Variants in EPHA3 observed in about 807,000 individuals in gnomAD.
EPHA3 encodes EPH receptor A3.
A neutral mutation model predicts 107.1 loss-of-function variants in EPHA3; 42 were observed. That is an observed-to-expected ratio of 0.39 (90% CI 0.31 to 0.51). The LOEUF (loss-of-function observed/expected upper bound fraction) is 0.51, where lower values mean the gene tolerates loss of function less well. EPHA3 is among the 20% of genes least tolerant of loss of function. EPHA3 has a pLI of 0.78. For missense variants in EPHA3, 1,183 were observed against 1,211.2 expected, an observed-to-expected ratio of 0.98 and a Z score of 0.35; for synonymous variants, 461 against 424.8, an observed-to-expected ratio of 1.09 and a Z score of -1.05.
intron 5 of EPHA3, among the ~76,000 whole-genome samples, chr3:89,346,462 GTTGT>G (rs1398157086): frequency 7.5e-5 from 11 of 147,594 alleles, no homozygotes; most frequent in African/African-American, 2.0e-4. Flanking sequence ...TTTTGATGGG[GTTGT>G]TTGTTTTTTT....
At chr3:89,431,502 T>C in intron 13 of EPHA3, 143 bp downstream of exon 13, 1 of 615,748 alleles carries the variant, frequency 1.6e-6, no homozygotes, top group Admixed American at 3.4e-5. Context: ...AATTAAAATA[T>C]TATTATTTAT....
chr3:89,120,186 T>C (rs1707345545), intron 1 of EPHA3, among the ~76,000 whole-genome samples: 1 of 152,220 alleles, frequency 6.6e-6, no homozygotes, highest in Admixed American at 6.5e-5. Flanking sequence ...TTTCACTTTT[T>C]AATCTTTCAA....
chr3:89,263,539 T>A (rs1250959099), intron 3 of EPHA3, among the ~76,000 whole-genome samples: 1 of 152,098 alleles, frequency 6.6e-6, no homozygotes, highest in Non-Finnish European at 1.5e-5. Context: ...GAAAAGGAGA[T>A]GGGGCAGGTA....
chr3:89,221,183 C>T (rs559082052), intron 3 of EPHA3, among the ~76,000 whole-genome samples: 1 of 152,280 alleles, frequency 6.6e-6, no homozygotes, highest in South Asian at 2.1e-4. Context: ...GTCCCTGAAG[C>T]GCAGAGTATG....
At chr3:89,163,734 T>G (rs1704998894) in intron 2 of EPHA3, among the ~76,000 whole-genome samples, 1 of 152,100 alleles carries the variant, frequency 6.6e-6, no homozygotes, top group African/African-American at 2.4e-5. Flanking sequence ...TGTAGCTGGG[T>G]GGCAGGTATA....
rs952927007 is a variant in EPHA3, at chr3:89,369,438, G to T, written c.1307-26399G>T. 5.2e-4 allele frequency among the ~76,000 whole-genome samples: 79 copies of T among 150,714 alleles called. 1 individual carries two copies. The highest frequency in any genetic ancestry group is 1.5e-3 in the African/African-American group (62 of 41,078). ...TTAATAAATGGTGCTGGGAAAACTG[G>T]CTAGCCATATGTAGAAAGCTGAAAC... On this transcript the variant is annotated intron_variant, in intron 5 of 16. Coordinates refer to ENST00000336596, the MANE Select transcript of EPHA3 (RefSeq NM_005233.6).
intron 5 of EPHA3, among the ~76,000 whole-genome samples, chr3:89,371,687 A>G (rs1708306169): frequency 2.0e-5 from 3 of 151,230 alleles, no homozygotes. Flanking sequence ...GTCTTCCTCT[A>G]CTTGGTTTAT....
At chr3:89,479,353 A>G (rs569434326) in intron 16 of EPHA3, 44 bp from the exon 17 acceptor site, 4 of 1,487,202 alleles carry the variant, frequency 2.7e-6, no homozygotes, top group East Asian at 4.5e-5. Context: ...CTGCTTATAC[A>G]CTATCGAGGA....
chr3:89,198,124 C>T (rs11927358), intron 2 of EPHA3, among the ~76,000 whole-genome samples: 27,532 of 152,016 alleles, frequency 0.18, 3,151 homozygotes, highest in African/African-American at 0.33. Flanking sequence ...ACAGAAACTC[C>T]AGCAAGTGAA....
chr3:89,339,722 AATCTTC>A, intron 3 of EPHA3, among the ~76,000 whole-genome samples: 2 of 152,192 alleles, frequency 1.3e-5, no homozygotes, highest in African/African-American at 4.8e-5. Context: ...TAATGCAAAT[AATCTTC>A]TCTTCACAAT....
At chr3:89,218,915 G>A (rs181589747) in intron 3 of EPHA3, among the ~76,000 whole-genome samples, 12 of 152,210 alleles carry the variant, frequency 7.9e-5, no homozygotes, top group South Asian at 2.1e-4. Context: ...TGTGGAAGTC[G>A]GTGTGGCGAT....
chr3:89,135,079 G>A (rs766050626), intron 2 of EPHA3, among the ~76,000 whole-genome samples: 2 of 152,122 alleles, frequency 1.3e-5, no homozygotes, highest in African/African-American at 2.4e-5. Context: ...TTTAAACATA[G>A]TAATTTGGTA....
chr3:89,372,693 T>G (rs1708331306), intron 5 of EPHA3, among the ~76,000 whole-genome samples: 2 of 151,808 alleles, frequency 1.3e-5, no homozygotes, highest in African/African-American at 4.8e-5. Flanking sequence ...CTATTCACTT[T>G]ATAGTCATTC....
intron 2 of EPHA3, among the ~76,000 whole-genome samples, chr3:89,202,156 T>C (rs1705982647): frequency 6.6e-6 from 1 of 152,068 alleles, no homozygotes; most frequent in African/African-American, 2.4e-5. Context: ...TCATCTACTG[T>C]ATGTGTTATG....
intron 5 of EPHA3, among the ~76,000 whole-genome samples, chr3:89,356,874 G>A (rs1241221328): frequency 1.3e-5 from 2 of 150,226 alleles, no homozygotes; most frequent in South Asian, 4.2e-4. Context: ...GGCAGCCGAG[G>A]CGGGCAGATC....
At chr3:89,225,619 T>G (rs184574707) in intron 3 of EPHA3, among the ~76,000 whole-genome samples, 2 of 152,284 alleles carry the variant, frequency 1.3e-5, no homozygotes, top group East Asian at 3.9e-4. Flanking sequence ...AACACAGGCT[T>G]ACAAATACAT....
chr3:89,470,416 C>T (rs566636310), intron 15 of EPHA3, among the ~76,000 whole-genome samples: 1 of 152,272 alleles, frequency 6.6e-6, no homozygotes, highest in South Asian at 2.1e-4. Context: ...GAATAATGAA[C>T]AGCTAACACA....
Position 89,399,123 on chromosome 3 carries a change from TG to T in EPHA3, c.1432-194del, listed in dbSNP as rs562210146. Reference sequence around the variant, plus strand: ...CCAGCCTGGTGACAAAGCAAGACTTTGTCTAAAAAAAAAAAAAATGCCTAAG... The same window carrying T: ...CCAGCCTGGTGACAAAGCAAGACTTTTCTAAAAAAAAAAAAAATGCCTAAG... On this transcript the variant is annotated intron_variant, in intron 6 of 16. Coordinates refer to ENST00000336596, the MANE Select transcript of EPHA3 (RefSeq NM_005233.6). Among the ~76,000 whole-genome samples the T allele has an allele frequency of 1.1e-3, 159 of 150,256 alleles. 2 individuals carry two copies. The Middle Eastern group carries it at 0.014, about 13-fold the overall frequency.
intron 13 of EPHA3, among the ~76,000 whole-genome samples, chr3:89,445,387 A>G (rs536558656): frequency 1.5e-4 from 23 of 152,208 alleles, no homozygotes; most frequent in Non-Finnish European, 2.8e-4. Context: ...ATATAAATTA[A>G]GAGTTTTTCA....
Sources: gnomAD v4.1 joint callset for allele counts (sites outside exome capture counted in the v4.1 genomes callset) on GRCh38, gnomAD v4.1.1 for gene constraint, MANE v1.5 for transcripts, NCBI Gene and HGNC (gene_info 2026-07-23, HGNC 2026-07-21) for gene names.